Variants in CDV3 observed in about 807,000 individuals in gnomAD.
CDV3 encodes protein CDV3 homolog.
A neutral mutation model predicts 24.5 loss-of-function variants in CDV3; 14 were observed. That is an observed-to-expected ratio of 0.57 (90% CI 0.38 to 0.89). The LOEUF is 0.89. Among genes scored for constraint, CDV3 ranks in the 40% least tolerant of loss-of-function variants. The pLI is 0.00. For synonymous variants in CDV3, 114 were observed against 114.1 expected (o/e 1.00, Z 0.00); for missense variants, 304 against 310.2 (o/e 0.98, Z 0.15).
intron 4 of CDV3, 98 bp downstream of exon 4, chr3:133,586,820 A>G (rs1257146875): frequency 1.4e-6 from 1 of 702,284 alleles, no homozygotes; most frequent in Non-Finnish European, 2.5e-6. Flanking sequence ...GGGAGAGACT[A>G]CTCCTTAACT....
intron 3 of CDV3, 151 bp from the exon 4 acceptor site, chr3:133,586,412 C>T (rs1933605773): frequency 3.5e-6 from 2 of 574,752 alleles, no homozygotes; most frequent in South Asian, 2.4e-5. Context: ...CACTTTCAGA[C>T]ATTTTCTGAA....
intron 4 of CDV3, chr3:133,587,524 C>T (rs1167707111): frequency 1.8e-6 from 2 of 1,102,274 alleles, no homozygotes; most frequent in East Asian, 1.1e-4. Flanking sequence ...GTAGAATTTA[C>T]TTGAATGAGA....
chr3:133,587,344 A>G (rs1453072862), intron 4 of CDV3: 47 of 1,246,784 alleles, frequency 3.8e-5, no homozygotes, highest in Non-Finnish European at 4.6e-5. Context: ...CTTTGAGAGC[A>G]CAGCTGGCTT....
At position 133,584,042 on chromosome 3, in the gene CDV3, C is replaced by T; in HGVS notation, c.358C>T (p.Pro120Ser). ...AGACGATAATGAAAAGAGACAAGAT[C>T]CAGGTGATAACTGGGAAGAAGGTGG... ...EEDDNEKRQD[P>S]GDNWEEGGGG... is the part of the protein sequence containing the mutation. The change falls in exon 3 of 5, where the codon CCA becomes TCA. Residue 120 changes from proline (P) to serine (S), a missense_variant. By Grantham distance (74) the Pro-to-Ser change is moderately conservative. This residue lies in a region of CDV3 where 219 missense variants were observed against 203.6 expected (regional missense o/e 1.08). Transcript: ENST00000264993. The T allele has an allele frequency of 6.2e-7, 1 of 1,611,208 alleles. No homozygotes were observed. Among genetic ancestry groups the T allele is most frequent in the East Asian group, 2.2e-5 (1 of 44,830 alleles).
intron 2 of CDV3, among the ~76,000 whole-genome samples, chr3:133,579,003 T>TTATAAA (rs2074919522): frequency 6.6e-6 from 1 of 152,172 alleles, no homozygotes; most frequent in South Asian, 2.1e-4. Context: ...GGGGATAAAA[T>TTATAAA]GAATTAAAAG....
Position 133,589,652 on chromosome 3 carries a change from G to A in CDV3, c.*1606G>A, listed in dbSNP as rs1234011277. On this transcript the variant is annotated 3_prime_UTR_variant, in exon 5 of 5. Coordinates refer to ENST00000264993, the MANE Select transcript of CDV3 (RefSeq NM_017548.5). ...AGTGGGTGAGTAAAACTATTTTGAC[G>A]TGGGAGCGTTTTCAGATAGGAGTTT... is the stretch of plus-strand genomic sequence containing the variant. 9.8e-5 allele frequency: 15 copies of A among 152,642 alleles called. No homozygotes were observed. The highest frequency in any genetic ancestry group is 1.9e-4 in the Non-Finnish European group (13 of 68,048). The allele number at this position is 152,642 out of a possible 1,614,324, so 9.5% of individuals were successfully genotyped here.
chr3:133,579,261 A>C (rs1020503385), intron 2 of CDV3, among the ~76,000 whole-genome samples: 4 of 152,314 alleles, frequency 2.6e-5, no homozygotes, highest in Non-Finnish European at 1.5e-5. Flanking sequence ...TTACAGACTT[A>C]CACATATTTA....
rs1176951063 is a variant in CDV3 at position 133,574,175 on chromosome 3, CCGCGGGTGCGGCGGGCGGCGGGGCGGG to C, written c.138_164del (p.Ala47_Gly55del). The stretch of plus-strand genomic sequence containing the variant: ...GGCAGCGCCGGCGGAAGCAGTGGAG[CCGCGGGTGCGGCGGGCGGCGGGGCGGG>C]CGCGGGGACCCGGCCGGGTGACGGC... On this transcript the variant is annotated inframe_deletion, in exon 1 of 5. Transcript: ENST00000264993. 3 of 1,057,752 alleles carry C rather than the reference CCGCGGGTGCGGCGGGCGGCGGGGCGGG, an allele frequency of 2.8e-6. No homozygotes were observed. Among genetic ancestry groups the C allele is most frequent in the African/African-American group, 3.5e-5 (2 of 57,700 alleles). The allele number at this position is 1,057,752 out of a possible 1,614,324, so 65.5% of individuals were successfully genotyped here.
At chr3:133,585,757 G>A (rs6439426) in intron 3 of CDV3, among the ~76,000 whole-genome samples, 136,475 of 152,300 alleles carry the variant, frequency 0.9, 61,349 homozygotes, top group African/African-American at 0.97. Context: ...CGGGCTTCCC[G>A]AAGTGCTAGG....
At chr3:133,584,415 T>C (rs576017269) in intron 3 of CDV3, among the ~76,000 whole-genome samples, 1 of 152,346 alleles carries the variant, frequency 6.6e-6, no homozygotes, top group East Asian at 1.9e-4. Context: ...GTTTCATTTA[T>C]TGGAATTGAG....
At position 133,589,898 on chromosome 3, in the gene CDV3, G is replaced by T. The variant is rs1231974801; in HGVS notation, c.*1852G>T. 2 of 152,124 alleles carry T rather than the reference G, an allele frequency of 1.3e-5. No individual in the cohort carries two copies. The highest frequency in any genetic ancestry group is 2.9e-5 in the Non-Finnish European group (2 of 68,002). 9.4% of individuals were successfully genotyped at this position (152,124 alleles called of 1,614,324 possible). A position where few individuals can be genotyped will look rare whatever the true frequency, so the allele number is the denominator to read the frequency against. On this transcript the variant is annotated 3_prime_UTR_variant, in exon 5 of 5. Coordinates refer to ENST00000264993, the MANE Select transcript of CDV3 (RefSeq NM_017548.5). ...TGGTAAACTGAAGACTTTTATTTGG[G>T]AATGAAAAACCTTAAAAAAATCTCT...
chr3:133,583,165 T>A (rs1933227895), intron 2 of CDV3, among the ~76,000 whole-genome samples: 1 of 152,162 alleles, frequency 6.6e-6, no homozygotes, highest in South Asian at 2.1e-4. Flanking sequence ...TCTTATATAT[T>A]TTTTTTAAAC....
intron 1 of CDV3, chr3:133,574,677 A>G (rs1186202465): frequency 5.8e-6 from 6 of 1,036,320 alleles, no homozygotes; most frequent in East Asian, 9.0e-5. Flanking sequence ...CCGCATTTGT[A>G]GCAGCTCTTT....
At chr3:133,581,590 A>C (rs1419249826) in intron 2 of CDV3, among the ~76,000 whole-genome samples, 2 of 152,114 alleles carry the variant, frequency 1.3e-5, no homozygotes, top group African/African-American at 4.8e-5. Context: ...GAGGAAATTG[A>C]GGTATAAAGA....
intron 3 of CDV3, among the ~76,000 whole-genome samples, chr3:133,585,601 T>A (rs1933516032): frequency 6.6e-6 from 1 of 151,528 alleles, no homozygotes; most frequent in South Asian, 2.1e-4. Flanking sequence ...TTCAAGCTAT[T>A]CTCCTGCCTC....
chr3:133,577,147 A>G (rs963240801), intron 2 of CDV3, among the ~76,000 whole-genome samples: 1 of 151,776 alleles, frequency 6.6e-6, no homozygotes, highest in Non-Finnish European at 1.5e-5. Flanking sequence ...CACCCGGCCT[A>G]GACTAGCTTT....
chr3:133,574,176 C>T lies in CDV3; in HGVS notation c.132C>T (p.Ala44=), dbSNP rs1182541292. Residue 44 remains alanine, a synonymous_variant, in exon 1 of 5, where the codon GCC becomes GCT. Transcript: ENST00000264993. ...GCAGCGCCGGCGGAAGCAGTGGAGCCGCGGGTGCGGCGGGCGGCGGGGCGG... is the reference window on the plus strand; with the variant it reads ...GCAGCGCCGGCGGAAGCAGTGGAGCTGCGGGTGCGGCGGGCGGCGGGGCGG... ...AAGSAGGSSG[A]AGAAGGGAGA... The T allele has an allele frequency of 4.7e-6, 5 of 1,054,748 alleles. No individual in the cohort carries two copies. The highest frequency in any genetic ancestry group is 5.7e-6 in the Non-Finnish European group (5 of 876,210). The allele number at this position is 1,054,748 out of a possible 1,614,324, so 65.3% of individuals were successfully genotyped here. A position where few individuals can be genotyped will look rare whatever the true frequency, so the allele number is the denominator to read the frequency against.
chr3:133,582,915 A>G (rs116193908), intron 2 of CDV3, among the ~76,000 whole-genome samples: 7,869 of 152,312 alleles, frequency 0.052, 276 homozygotes, highest in Middle Eastern at 0.15. Context: ...CCTTTTGTCA[A>G]GAGACAAAAG....
chr3:133,587,217 C>A (rs1933699119), intron 4 of CDV3: 2 of 1,326,614 alleles, frequency 1.5e-6, no homozygotes, highest in Admixed American at 3.3e-5. Context: ...ACATCTACAT[C>A]TTACTTTAGG....
Sources: gnomAD v4.1 joint callset for allele counts (sites outside exome capture counted in the v4.1 genomes callset) on GRCh38, gnomAD v4.1.1 for gene constraint, gnomAD v4.1.1 regional missense constraint, MANE v1.5 for transcripts, NCBI Gene and HGNC (gene_info 2026-07-23, HGNC 2026-07-21) for gene names.